The following FRY variants were observed in gnomAD, a reference collection of about 807,000 sequenced individuals.
The protein encoded by FRY is FRY microtubule binding protein, also known as protein furry homolog.
A neutral mutation model predicts 348.4 loss-of-function variants in FRY; 128 were observed. That is an observed-to-expected ratio of 0.37 (90% CI 0.32 to 0.43). FRY has a LOEUF of 0.43. FRY is among the 20% of genes least tolerant of loss of function. The probability of loss-of-function intolerance (pLI) is 1.00; values close to 1 mark genes in which losing one functional copy is unlikely to be tolerated. For missense variants in FRY, 2,736 were observed against 3,695.2 expected (o/e 0.74, Z 6.73); for synonymous variants, 1,370 against 1,374.7 (o/e 1.00, Z 0.08).
At chr13:32,214,990 C>T (rs528541366) in intron 35 of FRY, among the ~76,000 whole-genome samples, 2 of 152,190 alleles carry the variant, frequency 1.3e-5, no homozygotes, top group East Asian at 1.9e-4. Context: ...TTAATAATGC[C>T]GTTCCTACTG....
At chr13:32,075,346 A>G (rs1219377984) in intron 1 of FRY, among the ~76,000 whole-genome samples, 1 of 152,210 alleles carries the variant, frequency 6.6e-6, no homozygotes, top group Non-Finnish European at 1.5e-5. Context: ...AGACTGTCAT[A>G]TTCAGCCAAC....
chr13:32,278,446 T>C lies in FRY; in HGVS notation c.8386-19T>C. Reference sequence around the variant, plus strand: ...AACATTGCTGAATTTACCTATGTCTTTCCCTCTCTTTCTGACAGTGGCTTG... The same window carrying C: ...AACATTGCTGAATTTACCTATGTCTCTCCCTCTCTTTCTGACAGTGGCTTG... On this transcript the variant is annotated intron_variant, in intron 57 of 60. Transcript: ENST00000542859. The C allele has an allele frequency of 7.3e-7, 1 of 1,371,606 alleles. No individual in the cohort carries two copies. Among genetic ancestry groups the C allele is most frequent in the South Asian group, 1.2e-5 (1 of 86,154 alleles). 85.0% of individuals were successfully genotyped at this position (1,371,606 alleles called of 1,614,324 possible). A position where few individuals can be genotyped will look rare whatever the true frequency, so the allele number is the denominator to read the frequency against.
At chr13:32,208,576 A>T (rs915437802) in intron 31 of FRY, among the ~76,000 whole-genome samples, 1 of 152,076 alleles carries the variant, frequency 6.6e-6, no homozygotes, top group Non-Finnish European at 1.5e-5. Flanking sequence ...TCTGATATAC[A>T]TCTTCCGCTA....
rs140285107 is a variant in FRY at position 32,288,423 on chromosome 13, C to G, written c.8470-1210C>G. On this transcript the variant is annotated intron_variant, in intron 58 of 60. Transcript: ENST00000542859. ...AAGAATCTAGGCAGAATTGGTTTTC[C>G]CCTAAAGAGCAGGGAAGAGCTGGGA... 7.7e-3 allele frequency among the ~76,000 whole-genome samples: 1,175 copies of G among 152,280 alleles called. 9 individuals carry two copies. Among genetic ancestry groups the G allele is most frequent in the Non-Finnish European group, 0.013 (881 of 68,016 alleles).
chr13:32,118,614 A>T (rs75318044), intron 4 of FRY, among the ~76,000 whole-genome samples: 3,722 of 152,166 alleles, frequency 0.024, 55 homozygotes, highest in Non-Finnish European at 0.038. Flanking sequence ...TTTAGATATA[A>T]CTCAGATGCC....
intron 7 of FRY, among the ~76,000 whole-genome samples, chr13:32,125,563 T>C (rs907708086): frequency 1.8e-4 from 28 of 152,202 alleles, no homozygotes; most frequent in South Asian, 2.1e-4. Flanking sequence ...GGAGGTCAGC[T>C]TAAAGCAACA....
Position 32,182,670 on chromosome 13 carries a change from TTTTG to T in FRY, c.2997-291_2997-288del, listed in dbSNP as rs372734864. Among the ~76,000 whole-genome samples, 75 of 152,338 alleles carry T rather than the reference TTTTG, an allele frequency of 4.9e-4. 2 individuals carry two copies. The Middle Eastern group carries it at 0.01, about 21-fold the overall frequency. On this transcript the variant is annotated intron_variant, in intron 23 of 60. Transcript: ENST00000542859. Reference sequence around the variant, plus strand: ...TAATTGTTCACATAGGGTTTTGTTTTTTTGTTTGTTTGTTTGTTTTTTGCCATAG... The same window carrying T: ...TAATTGTTCACATAGGGTTTTGTTTTTTTGTTTGTTTGTTTTTTGCCATAG...
chr13:32,102,339 T>A (rs192478994), intron 3 of FRY, among the ~76,000 whole-genome samples: 1 of 152,354 alleles, frequency 6.6e-6, no homozygotes, highest in East Asian at 1.9e-4. Context: ...GTTTAAAAAC[T>A]TGAGATTCTT....
intron 1 of FRY, chr13:32,038,284 A>G (rs1872621847): frequency 6.6e-6 from 1 of 152,240 alleles, no homozygotes; most frequent in Admixed American, 6.5e-5. Context: ...TAAAAAATGC[A>G]ATATAGCTTG....
chr13:32,256,276 G>A (rs185386862), intron 51 of FRY, among the ~76,000 whole-genome samples: 220 of 152,248 alleles, frequency 1.4e-3, no homozygotes, highest in African/African-American at 5.0e-3. Context: ...GCTCACACCT[G>A]TAATCCCAGC....
In FRY at chr13:32,295,683, T is replaced by C; in HGVS notation, c.*223T>C. 1 of 593,304 alleles carries C rather than the reference T, an allele frequency of 1.7e-6. No individual in the cohort carries two copies. Among genetic ancestry groups the C allele is most frequent in the South Asian group, 2.0e-5 (1 of 49,584 alleles). The allele number at this position is 593,304 out of a possible 1,614,324, so 36.8% of individuals were successfully genotyped here. A position where few individuals can be genotyped will look rare whatever the true frequency, so the allele number is the denominator to read the frequency against. On this transcript the variant is annotated 3_prime_UTR_variant, in exon 61 of 61. Coordinates refer to ENST00000542859, the MANE Select transcript of FRY (RefSeq NM_023037.3). Reference sequence around the variant, plus strand: ...CCTGGACAGACTCCACTCATCATGCTGTGTGGCACAAATGTGTTACATTTG... The same window carrying C: ...CCTGGACAGACTCCACTCATCATGCCGTGTGGCACAAATGTGTTACATTTG...
intron 23 of FRY, among the ~76,000 whole-genome samples, chr13:32,180,262 T>A (rs186294009): frequency 5.3e-5 from 8 of 151,592 alleles, no homozygotes; most frequent in African/African-American, 1.9e-4. Context: ...TGAGACGGAG[T>A]CTCGCTCTGT....
intron 10 of FRY, 26 bp from the exon 11 acceptor site, chr13:32,136,845 T>C (rs1449349865): frequency 8.5e-7 from 1 of 1,178,502 alleles, no homozygotes; most frequent in South Asian, 1.2e-5. Context: ...TAAATGATCC[T>C]GTGACCTCCT....
intron 18 of FRY, among the ~76,000 whole-genome samples, chr13:32,172,335 A>T (rs1882137982): frequency 6.6e-6 from 1 of 152,132 alleles, no homozygotes; most frequent in South Asian, 2.1e-4. Flanking sequence ...GCAGGTGTGG[A>T]TGTAGATATG....
chr13:32,251,613 TA>T (rs141506813), intron 49 of FRY, among the ~76,000 whole-genome samples: 78 of 150,674 alleles, frequency 5.2e-4, no homozygotes, highest in South Asian at 1.0e-3. Context: ...TAGTTACCCT[TA>T]AAAAAAAAGG....
chr13:32,093,955 TC>T (rs1350785360), intron 2 of FRY, among the ~76,000 whole-genome samples: 1 of 152,268 alleles, frequency 6.6e-6, no homozygotes, highest in African/African-American at 2.4e-5. Flanking sequence ...ACGAAGTCTT[TC>T]TATTCTTACT....
At chr13:32,078,791 G>T in intron 1 of FRY, 43 bp from the exon 2 acceptor site, 1 of 1,358,642 alleles carries the variant, frequency 7.4e-7, no homozygotes, top group Non-Finnish European at 1.1e-6. Context: ...GAATATTTAT[G>T]ACATTATTAT....
At chr13:32,149,052 C>T (rs995400099) in intron 13 of FRY, among the ~76,000 whole-genome samples, 1 of 148,444 alleles carries the variant, frequency 6.7e-6, no homozygotes, top group Non-Finnish European at 1.5e-5. Flanking sequence ...CACATATATA[C>T]ACACAGATAC....
At chr13:32,279,943 A>G (rs1888729833) in intron 58 of FRY, among the ~76,000 whole-genome samples, 1 of 152,198 alleles carries the variant, frequency 6.6e-6, no homozygotes, top group African/African-American at 2.4e-5. Context: ...TGAAAAGCAA[A>G]CTATAAAGCT....
Sources: gnomAD v4.1 joint callset for allele counts (sites outside exome capture counted in the v4.1 genomes callset) on GRCh38, gnomAD v4.1.1 for gene constraint, MANE v1.5 for transcripts, NCBI Gene and HGNC (gene_info 2026-07-23, HGNC 2026-07-21) for gene names.